Variants in TBC1D15 observed in about 807,000 individuals in gnomAD.
TBC1D15 encodes the protein GAP for RAB7.
A neutral mutation model predicts 95.4 loss-of-function variants in TBC1D15; 39 were observed. The ratio of observed to expected loss-of-function variants is 0.41; its 90% CI spans 0.32 to 0.53. The LOEUF (loss-of-function observed/expected upper bound fraction) is 0.53, where lower values mean the gene tolerates loss of function less well. Among genes scored for constraint, TBC1D15 ranks in the 20% least tolerant of loss-of-function variants. TBC1D15 has a pLI of 0.29. For synonymous variants in TBC1D15, 258 were observed against 261.3 expected, an observed-to-expected ratio of 0.99 and a Z score of 0.12; for missense variants, 733 against 794.3, an observed-to-expected ratio of 0.92 and a Z score of 0.93.
intron 5 of TBC1D15, among the ~76,000 whole-genome samples, chr12:71,890,415 C>A (rs2138628919): frequency 6.6e-6 from 1 of 152,176 alleles, no homozygotes; most frequent in South Asian, 2.1e-4. Context: ...GAGTTCAAAA[C>A]CAAGAGAATT....
chr12:71,916,738 A>G (rs1903797426), intron 12 of TBC1D15, among the ~76,000 whole-genome samples: 1 of 152,184 alleles, frequency 6.6e-6, no homozygotes, highest in Non-Finnish European at 1.5e-5. Context: ...CTTTCAGAGC[A>G]TCAGTTTTGG....
At chr12:71,869,249 GCTGTGGCTCATGC>G (rs1237102094) in intron 1 of TBC1D15, among the ~76,000 whole-genome samples, 1 of 152,076 alleles carries the variant, frequency 6.6e-6, no homozygotes, top group Admixed American at 6.6e-5. Flanking sequence ...AGGGCTGGGT[GCTGTGGCTCATGC>G]CTGTAATCCC....
chr12:71,884,728 A>T (rs1895890423), intron 4 of TBC1D15, 83 bp from the exon 5 acceptor site: 1 of 1,303,332 alleles, frequency 7.7e-7, no homozygotes, highest in Admixed American at 2.0e-5. Context: ...CAACTAATTT[A>T]TGTTAGGCAG....
At chr12:71,885,438 G>T (rs551753603) in intron 5 of TBC1D15, among the ~76,000 whole-genome samples, 1 of 152,272 alleles carries the variant, frequency 6.6e-6, no homozygotes, top group Admixed American at 6.5e-5. Context: ...TTGGAAGACA[G>T]GGCCTTACCA....
At chr12:71,914,056 T>C in intron 12 of TBC1D15, 130 bp downstream of exon 12, 1 of 612,904 alleles carries the variant, frequency 1.6e-6, no homozygotes, top group Non-Finnish European at 2.7e-6. Context: ...TGCCTTTTGT[T>C]ACTTTTTCTT....
At chr12:71,882,020 A>G (rs1048229881) in intron 4 of TBC1D15, among the ~76,000 whole-genome samples, 13 of 151,258 alleles carry the variant, frequency 8.6e-5, no homozygotes, top group Non-Finnish European at 4.4e-5. Flanking sequence ...TAGAAATTCC[A>G]GAGGTTTTAA....
chr12:71,859,296 A>AT (rs113258348), intron 1 of TBC1D15, among the ~76,000 whole-genome samples: 4,952 of 150,356 alleles, frequency 0.033, 253 homozygotes, highest in African/African-American at 0.11. Flanking sequence ...AAATTGGAGT[A>AT]TTTTTTTTTC....
At chr12:71,875,694 AT>A (rs1276535863) in intron 3 of TBC1D15, among the ~76,000 whole-genome samples, 1 of 151,496 alleles carries the variant, frequency 6.6e-6, no homozygotes, top group Non-Finnish European at 1.5e-5. Flanking sequence ...ATTTGAACAG[AT>A]TTTTTTATTA....
intron 16 of TBC1D15, 29 bp from the exon 17 acceptor site, chr12:71,922,954 T>C (rs764050396): frequency 8.7e-6 from 14 of 1,607,000 alleles, no homozygotes; most frequent in African/African-American, 2.7e-5. Flanking sequence ...TAGTGAAATA[T>C]GGTTTTGAGT....
chr12:71,868,501 C>T (rs748871124), intron 1 of TBC1D15, among the ~76,000 whole-genome samples: 13 of 152,080 alleles, frequency 8.5e-5, no homozygotes, highest in Non-Finnish European at 1.5e-4. Flanking sequence ...CCACCTCGGC[C>T]TCCCAAAGTG....
intron 1 of TBC1D15, among the ~76,000 whole-genome samples, chr12:71,860,033 A>G (rs77852570): frequency 0.015 from 2,266 of 152,256 alleles, 58 homozygotes; most frequent in African/African-American, 0.052. Context: ...TTCTTCCTCA[A>G]TGAATGTTCT....
At chr12:71,875,608 A>G (rs1293642822) in intron 3 of TBC1D15, among the ~76,000 whole-genome samples, 3 of 151,810 alleles carry the variant, frequency 2.0e-5, no homozygotes, top group Non-Finnish European at 2.9e-5. Context: ...AGTAATGTAC[A>G]TTATACCCAT....
intron 11 of TBC1D15, among the ~76,000 whole-genome samples, chr12:71,910,515 G>T (rs924039745): frequency 2.7e-4 from 41 of 151,970 alleles, no homozygotes; most frequent in Middle Eastern, 6.8e-3. Flanking sequence ...TCTTCCATTT[G>T]TTTATATCCT....
At chr12:71,886,313 C>T (rs529029276) in intron 5 of TBC1D15, among the ~76,000 whole-genome samples, 4 of 152,226 alleles carry the variant, frequency 2.6e-5, no homozygotes, top group South Asian at 2.1e-4. Context: ...GGATTACAGG[C>T]GTGCGCCACC....
chr12:71,880,725 A>C, intron 4 of TBC1D15, 118 bp downstream of exon 4: 1 of 1,155,548 alleles, frequency 8.7e-7, no homozygotes, highest in Admixed American at 3.2e-5. Flanking sequence ...TTCTTTGGTT[A>C]ATAGGTATAA....
intron 1 of TBC1D15, among the ~76,000 whole-genome samples, chr12:71,851,290 C>A: frequency 6.6e-6 from 1 of 152,016 alleles, no homozygotes; most frequent in East Asian, 1.9e-4. Context: ...CCGTGAGAAA[C>A]CACCCCCACT....
chr12:71,896,074 G>C lies in TBC1D15; in HGVS notation c.983G>C (p.Gly328Ala). 6.2e-7 allele frequency: 1 copy of C among 1,605,350 alleles called. No individual in the cohort carries two copies. Among genetic ancestry groups the C allele is most frequent in the Non-Finnish European group, 8.5e-7 (1 of 1,173,898 alleles). Reference protein sequence around the residue: ...VDNMKQMIFRGGLSHALRKQA... With the variant: ...VDNMKQMIFRAGLSHALRKQA... Reference sequence around the variant, plus strand: ...AATATGAAGCAGATGATATTTAGAGGGGTAATTTAAACACTCTAATATGGC... The same window carrying C: ...AATATGAAGCAGATGATATTTAGAGCGGTAATTTAAACACTCTAATATGGC... Residue 328 changes from glycine (G) to alanine (A), a missense_variant and splice_region_variant, in exon 8 of 17, where the codon GGG becomes GCG. Gly to Ala is a moderately conservative substitution (Grantham distance 60). Coordinates refer to ENST00000485960, the MANE Select transcript of TBC1D15 (RefSeq NM_001146213.3).
intron 15 of TBC1D15, among the ~76,000 whole-genome samples, 167 bp from the exon 16 acceptor site, chr12:71,921,201 A>AT (rs1307548751): frequency 2.0e-5 from 3 of 152,206 alleles, no homozygotes; most frequent in African/African-American, 7.2e-5. Flanking sequence ...ACTTGAAATA[A>AT]TCTAAAGAAA....
intron 4 of TBC1D15, 96 bp from the exon 5 acceptor site, chr12:71,884,715 G>A (rs971250144): frequency 2.7e-6 from 3 of 1,113,924 alleles, no homozygotes; most frequent in South Asian, 2.8e-5. Context: ...GATTCCCTGG[G>A]TTCAACTAAT....
Sources: allele counts gnomAD v4.1 joint callset (sites outside exome capture counted in the v4.1 genomes callset), GRCh38; gene constraint gnomAD v4.1.1; transcripts MANE v1.5; gene names NCBI Gene and HGNC (gene_info 2026-07-23, HGNC 2026-07-21).